The following METTL24 variants were observed in gnomAD, a reference collection of about 807,000 sequenced individuals.
The protein encoded by METTL24 is methyltransferase like 24.
METTL24 carries 29 observed loss-of-function variants against 32.7 expected under a neutral mutation model. The observed-to-expected ratio is 0.89, with a 90% CI of 0.66 to 1.21. The LOEUF (loss-of-function observed/expected upper bound fraction) is 1.21. Ranked by LOEUF, METTL24 falls within the 50% of genes most tolerant of loss-of-function variation. The pLI, the probability that METTL24 is intolerant of heterozygous loss-of-function variation, is 0.00. For missense variants in METTL24, 439 were observed against 468.1 expected (o/e 0.94, Z 0.57); for synonymous variants, 163 against 179.5 (o/e 0.91, Z 0.73).
At position 110,246,094 on chromosome 6, in the gene METTL24, T is replaced by C; in HGVS notation, c.953A>G (p.Tyr318Cys). The C allele has an allele frequency of 6.2e-7, 1 of 1,614,210 alleles. No individual in the cohort carries two copies. The highest frequency in any genetic ancestry group is 8.5e-7 in the Non-Finnish European group (1 of 1,180,042). ...TTGTTCTAACTCTTTGAGAAGGCTG[T>C]ACCAGAACCGCACAACGCTGCTGTC... Reference protein sequence around the residue: ...GSDSSVVRFWYSLLKELEQKD... With the variant: ...GSDSSVVRFWCSLLKELEQKD... Residue 318 changes from tyrosine (Y) to cysteine (C), a missense_variant, in exon 5 of 5, where the codon TAC becomes TGC. Transcript: ENST00000338882.
chr6:110,267,752 T>A (rs1295170673), intron 4 of METTL24, among the ~76,000 whole-genome samples: 1 of 152,192 alleles, frequency 6.6e-6, no homozygotes, highest in Non-Finnish European at 1.5e-5. Context: ...CTCACAGTTC[T>A]GCAGGCTGTA....
At chr6:110,275,349 C>A (rs1771030570) in intron 4 of METTL24, among the ~76,000 whole-genome samples, 2 of 152,070 alleles carry the variant, frequency 1.3e-5, no homozygotes, top group African/African-American at 4.8e-5. Flanking sequence ...CCCTCTGTGC[C>A]AGCCATGCTG....
intron 1 of METTL24, among the ~76,000 whole-genome samples, chr6:110,331,422 G>A (rs1772107777): frequency 6.6e-6 from 1 of 152,108 alleles, no homozygotes; most frequent in Non-Finnish European, 1.5e-5. Context: ...CCTTTGGGAG[G>A]CTGAGGCGGG....
At chr6:110,319,356 G>T (rs1204629938) in intron 2 of METTL24, among the ~76,000 whole-genome samples, 6 of 151,818 alleles carry the variant, frequency 4.0e-5, no homozygotes, top group Non-Finnish European at 8.8e-5. Flanking sequence ...CAGAGCATGG[G>T]TTCTTATTCT....
At chr6:110,311,226 C>T (rs958852511) in intron 3 of METTL24, among the ~76,000 whole-genome samples, 1 of 152,150 alleles carries the variant, frequency 6.6e-6, no homozygotes. Context: ...AAGCAATTCA[C>T]CTGAACAGGG....
rs150509242 is a variant in METTL24, at chr6:110,277,646, G to T, written c.786+21276C>A. ...AAATCTTTGTCAGGAAAACGTTATA[G>T]AAATCTAAAGTTCCTTTAATATGTC... is the stretch of plus-strand genomic sequence containing the variant. On this transcript the variant is annotated intron_variant, in intron 4 of 4. Coordinates refer to ENST00000338882, the MANE Select transcript of METTL24 (RefSeq NM_001123364.3). Among the ~76,000 whole-genome samples the T allele has an allele frequency of 3.9e-5, 6 of 152,238 alleles. No homozygotes were observed. In the East Asian group the frequency reaches 1.2e-3, roughly 29 times the overall value.
chr6:110,330,085 G>A (rs866004753), intron 1 of METTL24, among the ~76,000 whole-genome samples: 3 of 152,372 alleles, frequency 2.0e-5, no homozygotes, highest in South Asian at 2.1e-4. Flanking sequence ...AGCACCAGGA[G>A]CAGCCCCGCA....
intron 3 of METTL24, among the ~76,000 whole-genome samples, chr6:110,308,464 A>T (rs1471713086): frequency 1.3e-5 from 2 of 152,236 alleles, no homozygotes; most frequent in Non-Finnish European, 2.9e-5. Context: ...TCAAAACCAC[A>T]GTGAGATACC....
intron 3 of METTL24, among the ~76,000 whole-genome samples, chr6:110,310,720 A>G (rs959023024): frequency 8.5e-5 from 13 of 152,224 alleles, no homozygotes; most frequent in Admixed American, 7.9e-4. Flanking sequence ...TGTGGAATAA[A>G]AAGCTTTGAC....
chr6:110,263,723 C>A (rs575207628), intron 4 of METTL24, among the ~76,000 whole-genome samples: 3,341 of 152,244 alleles, frequency 0.022, 51 homozygotes, highest in Middle Eastern at 0.044. Context: ...TCAAACTATA[C>A]TACAAGGCTA....
chr6:110,266,146 C>T lies in METTL24; in HGVS notation c.787-19886G>A, dbSNP rs527406661. Among the ~76,000 whole-genome samples the T allele has an allele frequency of 2.0e-5, 3 of 152,068 alleles. No homozygotes were observed. In the East Asian group the frequency reaches 5.8e-4, roughly 29 times the overall value. ...TCTTGAACTCCTGGCATCAAGCGAT[C>T]CTCCCACCTCAAACTCCCAAAATGC... On this transcript the variant is annotated intron_variant, in intron 4 of 4. Transcript: ENST00000338882.
intron 4 of METTL24, among the ~76,000 whole-genome samples, chr6:110,247,909 A>T (rs1232767247): frequency 6.6e-6 from 1 of 152,150 alleles, no homozygotes; most frequent in African/African-American, 2.4e-5. Context: ...TATCATTTTG[A>T]AATATGATAC....
In METTL24 at chr6:110,245,921, T is replaced by C. The variant is rs1778147784; in HGVS notation, c.*25A>G. ...ATGCTGCATTCTGCAAATATTTTCT[T>C]GTGCTCTTGATGACATCCTGCATCC... On this transcript the variant is annotated 3_prime_UTR_variant, in exon 5 of 5. Coordinates refer to ENST00000338882, the MANE Select transcript of METTL24 (RefSeq NM_001123364.3). 6.3e-7 allele frequency: 1 copy of C among 1,576,106 alleles called. No individual in the cohort carries two copies. Among genetic ancestry groups the C allele is most frequent in the Non-Finnish European group, 8.6e-7 (1 of 1,160,134 alleles).
chr6:110,329,595 G>A (rs114380633), intron 1 of METTL24, among the ~76,000 whole-genome samples: 3,481 of 152,188 alleles, frequency 0.023, 159 homozygotes, highest in African/African-American at 0.08. Flanking sequence ...GAGCACTGCC[G>A]TTACGTTTCT....
intron 1 of METTL24, chr6:110,332,536 T>G (rs1170947662): frequency 4.1e-6 from 4 of 969,314 alleles, no homozygotes; most frequent in Non-Finnish European, 4.9e-6. Flanking sequence ...AGATGTCAAA[T>G]TATGGGTTTC....
At chr6:110,257,765 C>G (rs536026844) in intron 4 of METTL24, among the ~76,000 whole-genome samples, 2 of 152,350 alleles carry the variant, frequency 1.3e-5, no homozygotes, top group South Asian at 4.1e-4. Flanking sequence ...AGCCTCAGCC[C>G]ATGATCAGAT....
intron 4 of METTL24, among the ~76,000 whole-genome samples, chr6:110,248,139 G>T (rs371844493): frequency 1.3e-5 from 2 of 152,064 alleles, no homozygotes; most frequent in Non-Finnish European, 2.9e-5. Flanking sequence ...CACCATGTTT[G>T]TAAGCTCCCT....
chr6:110,282,863 CA>C (rs1370262865), intron 4 of METTL24, among the ~76,000 whole-genome samples: 1 of 152,036 alleles, frequency 6.6e-6, no homozygotes, highest in African/African-American at 2.4e-5. Flanking sequence ...GAATTGCTAG[CA>C]AAATGAAAAA....
intron 4 of METTL24, among the ~76,000 whole-genome samples, chr6:110,278,403 C>T (rs1029509211): frequency 6.6e-6 from 1 of 152,132 alleles, no homozygotes; most frequent in Admixed American, 6.6e-5. Context: ...AGACTGAAAG[C>T]GATGGCTATA....
Sources: gnomAD v4.1 joint callset for allele counts (sites outside exome capture counted in the v4.1 genomes callset) on GRCh38, gnomAD v4.1.1 for gene constraint, MANE v1.5 for transcripts, NCBI Gene and HGNC (gene_info 2026-07-23, HGNC 2026-07-21) for gene names.